Variants in CEACAM4 observed in about 807,000 individuals in gnomAD.
CEACAM4 encodes cell adhesion molecule CEACAM4.
Under a neutral mutation model 28.7 loss-of-function variants are expected in CEACAM4, and 30 were observed. The observed-to-expected ratio is 1.05, with a 90% CI of 0.78 to 1.42. The LOEUF is 1.42. Ranked by LOEUF, CEACAM4 falls within the 40% of genes most tolerant of loss-of-function variation. The pLI is 0.00. For synonymous variants in CEACAM4, 143 were observed against 126.5 expected (o/e 1.13, Z -0.87); for missense variants, 330 against 308.2 (o/e 1.07, Z -0.53).
chr19:41,616,119 T>C (rs2070979466), downstream of CEACAM4, among the ~76,000 whole-genome samples: 1 of 152,154 alleles, frequency 6.6e-6, no homozygotes, highest in South Asian at 2.1e-4. Context: ...AACTTGTGTC[T>C]CCCAGGTTCA....
chr19:41,614,395 G>A (rs2070964122), downstream of CEACAM4, among the ~76,000 whole-genome samples: 1 of 152,192 alleles, frequency 6.6e-6, no homozygotes, highest in African/African-American at 2.4e-5. Context: ...GTAGGATAGT[G>A]GTCAGAGCGT....
intron 2 of CEACAM4, among the ~76,000 whole-genome samples, chr19:41,623,381 G>T (rs1167768239): frequency 1.3e-5 from 2 of 148,524 alleles, no homozygotes; most frequent in African/African-American, 5.0e-5. Flanking sequence ...TGCCACATCT[G>T]CATCTGGTTC....
intron 3 of CEACAM4, among the ~76,000 whole-genome samples, chr19:41,621,060 C>A (rs550564461): frequency 1.9e-4 from 29 of 152,180 alleles, no homozygotes; most frequent in African/African-American, 6.5e-4. Context: ...CCTGCCATGG[C>A]CAGACCCTCC....
At chr19:41,624,635 G>A (rs1269049772) in intron 2 of CEACAM4, among the ~76,000 whole-genome samples, 1 of 152,216 alleles carries the variant, frequency 6.6e-6, no homozygotes, top group Non-Finnish European at 1.5e-5. Flanking sequence ...AGGCACCAGG[G>A]ATGAAGGAGA....
intron 2 of CEACAM4, among the ~76,000 whole-genome samples, chr19:41,622,547 A>C (rs2071357507): frequency 6.6e-6 from 1 of 152,034 alleles, no homozygotes; most frequent in Non-Finnish European, 1.5e-5. Flanking sequence ...TCCTCACATC[A>C]CCTTGAGGGA....
Position 41,619,722 on chromosome 19 carries a change from G to A in CEACAM4, c.628-11C>T, listed in dbSNP as rs969391651. On this transcript the variant is annotated splice_polypyrimidine_tract_variant and intron_variant, in intron 5 of 6. Coordinates refer to ENST00000221954, the MANE Select transcript of CEACAM4 (RefSeq NM_001817.4). ...GCTGGGTAGAGGGGCCTGGGCAGGG[G>A]AGAGAGGAGATGTCAGGGGACAGGG... is the stretch of plus-strand genomic sequence containing the variant. 1.9e-6 allele frequency: 3 copies of A among 1,560,922 alleles called. No individual in the cohort carries two copies. The highest frequency in any genetic ancestry group is 1.9e-5 in the Admixed American group (1 of 51,518).
At chr19:41,614,295 C>T (rs951141975), downstream of CEACAM4, among the ~76,000 whole-genome samples, 3 of 152,230 alleles carry the variant, frequency 2.0e-5, no homozygotes, top group Non-Finnish European at 4.4e-5. Context: ...GTACCCTGTG[C>T]TGGGCTATTG....
chr19:41,623,935 C>T (rs917208391), intron 2 of CEACAM4, among the ~76,000 whole-genome samples: 1 of 152,134 alleles, frequency 6.6e-6, no homozygotes, highest in Non-Finnish European at 1.5e-5. Context: ...GATCCCTCCC[C>T]TGAAAACCTT....
intron 2 of CEACAM4, among the ~76,000 whole-genome samples, chr19:41,623,419 ATTTTTTTTTT>A (rs57004828): frequency 2.1e-4 from 22 of 105,064 alleles, no homozygotes; most frequent in Admixed American, 6.2e-4. Flanking sequence ...TTCGAACTGC[ATTTTTTTTTT>A]TTTTTTTTTT....
At chr19:41,613,912 G>A in the CEACAM4 span, among the ~76,000 whole-genome samples, 2 of 152,196 alleles carry the variant, frequency 1.3e-5, no homozygotes, top group African/African-American at 2.4e-5. Flanking sequence ...CATCCAAAAC[G>A]GATGCCAAGG....
rs781907122 is a variant in CEACAM4, at chr19:41,625,793, G to T, written c.232C>A (p.Leu78Ile). ...ATGTCTGTTATATAACCAGCAATGA[G>T]AGGGCTCCCTTCTGCCGTTTTCCCC... Reference protein sequence around the residue: ...HKGKTAEGSPLIAGYITDIQA... With the variant: ...HKGKTAEGSPIIAGYITDIQA... Residue 78 changes from leucine (L) to isoleucine (I), a missense_variant, in exon 2 of 7, where the codon CTC (leucine) becomes ATC (isoleucine). Physicochemically the swap from Leu to Ile is conservative, Grantham distance 5 (BLOSUM62 2). Transcript: ENST00000221954. 3 of 1,613,890 alleles carry T rather than the reference G, an allele frequency of 1.9e-6. No individual in the cohort carries two copies. In the African/African-American group the frequency reaches 4.0e-5, roughly 22 times the overall value.
chr19:41,626,605 G>A (rs2071680100), intron 1 of CEACAM4, among the ~76,000 whole-genome samples: 1 of 152,158 alleles, frequency 6.6e-6, no homozygotes, highest in South Asian at 2.1e-4. Flanking sequence ...AGTGTCATCT[G>A]GTATAGTTAT....
At chr19:41,624,694 G>A (rs1167680444) in intron 2 of CEACAM4, among the ~76,000 whole-genome samples, 6 of 152,190 alleles carry the variant, frequency 3.9e-5, no homozygotes, top group Admixed American at 3.3e-4. Flanking sequence ...TGCCAGCTGC[G>A]ATCTGCCCAC....
downstream of CEACAM4, among the ~76,000 whole-genome samples, chr19:41,616,288 T>A (rs1555798806): frequency 1.3e-5 from 2 of 152,110 alleles, no homozygotes; most frequent in African/African-American, 4.8e-5. Context: ...TGCCTCAGCC[T>A]CCAAAAGTGC....
intron 2 of CEACAM4, 90 bp downstream of exon 2, chr19:41,625,511 G>T: frequency 7.0e-7 from 1 of 1,438,632 alleles, no homozygotes; most frequent in South Asian, 1.4e-5. Context: ...AAATGCAGAG[G>T]GGGATGCAGG....
downstream of CEACAM4, among the ~76,000 whole-genome samples, chr19:41,617,488 C>T (rs2071004015): frequency 6.6e-6 from 1 of 152,154 alleles, no homozygotes; most frequent in Non-Finnish European, 1.5e-5. Context: ...GATCTGTGGA[C>T]ATGTCACGTG....
In CEACAM4 at chr19:41,621,710, C is replaced by A; in HGVS notation, c.483G>T (p.Leu161=). ...GAVAGIVTGV[L]VGVALVAALV... is the part of the protein sequence containing the mutation. ...GGGCGGCCACCAGAGCCACCCCAAC[C>A]AGGACCCCAGTCACGATGCCAGCGA... The change falls in exon 3 of 7, where the codon CTG becomes CTT. Residue 161 remains leucine (L), a synonymous_variant. Coordinates refer to ENST00000221954, the MANE Select transcript of CEACAM4 (RefSeq NM_001817.4). The A allele has an allele frequency of 6.2e-7, 1 of 1,613,534 alleles. No homozygotes were observed.
rs1600388600 is a variant in CEACAM4 at position 41,625,839 on chromosome 19, A to T, written c.186T>A (p.Ile62=). The T allele has an allele frequency of 1.2e-6, 2 of 1,613,932 alleles. No individual in the cohort carries two copies. The highest frequency in any genetic ancestry group is 1.7e-6 in the Non-Finnish European group (2 of 1,179,984). ...TCCCCTTGTGCCAATAATAGGCTTG[A>T]ATAGTTTCTGAAATATTGCAGGCCA... is the stretch of plus-strand genomic sequence containing the variant. ...LLLACNISET[I]QAYYWHKGKT... Residue 62 remains isoleucine, a synonymous_variant, in exon 2 of 7, where the codon ATT becomes ATA. Coordinates refer to ENST00000221954, the MANE Select transcript of CEACAM4 (RefSeq NM_001817.4).
intron 3 of CEACAM4, 132 bp downstream of exon 3, chr19:41,621,519 G>A: frequency 1.7e-6 from 1 of 582,704 alleles, no homozygotes; most frequent in East Asian, 2.8e-5. Context: ...CAAGGGAGGA[G>A]CCATGGAATG....
Sources: allele counts gnomAD v4.1 joint callset (sites outside exome capture counted in the v4.1 genomes callset), GRCh38; gene constraint gnomAD v4.1.1; transcripts MANE v1.5; gene names NCBI Gene and HGNC (gene_info 2026-07-23, HGNC 2026-07-21).